FSHR: variants seen among roughly 807,000 people sequenced by gnomAD.
The protein encoded by FSHR is follicle-stimulating hormone receptor.
A neutral mutation model predicts 52.1 loss-of-function variants in FSHR; 46 were observed. The ratio of observed to expected loss-of-function variants is 0.88; its 90% confidence interval spans 0.70 to 1.13. The LOEUF is 1.13. FSHR is among the 50% of genes most tolerant of loss of function. The probability of loss-of-function intolerance (pLI) is 0.00; values close to 1 mark genes in which losing one functional copy is unlikely to be tolerated. For missense variants in FSHR, 964 were observed against 834.6 expected, an observed-to-expected ratio of 1.16 and a Z score of -1.91; for synonymous variants, 399 against 309.6, an observed-to-expected ratio of 1.29 and a Z score of -3.03.
At chr2:49,048,047 T>G (rs1668721259) in intron 2 of FSHR, among the ~76,000 whole-genome samples, 1 of 152,012 alleles carries the variant, frequency 6.6e-6, no homozygotes, top group African/African-American at 2.4e-5. Flanking sequence ...CCCAGCTATT[T>G]TATTTTTTCT....
At chr2:49,026,996 T>C (rs1033498426) in intron 2 of FSHR, among the ~76,000 whole-genome samples, 1 of 152,160 alleles carries the variant, frequency 6.6e-6, no homozygotes, top group Non-Finnish European at 1.5e-5. Flanking sequence ...TCACAGACAA[T>C]CAGTCTAGAG....
chr2:49,089,186 C>T (rs544007287), intron 1 of FSHR, among the ~76,000 whole-genome samples: 16 of 151,996 alleles, frequency 1.1e-4, no homozygotes, highest in South Asian at 4.2e-4. Context: ...ATTATATCTA[C>T]ACCTATTCCT....
intron 1 of FSHR, among the ~76,000 whole-genome samples, chr2:49,101,334 A>G (rs767677527): frequency 5.9e-5 from 9 of 152,108 alleles, no homozygotes; most frequent in Non-Finnish European, 1.0e-4. Flanking sequence ...AGAGTAGGGA[A>G]GTATAATAGG....
intron 1 of FSHR, among the ~76,000 whole-genome samples, chr2:49,108,679 G>A (rs934476644): frequency 6.6e-6 from 1 of 152,152 alleles, no homozygotes; most frequent in Non-Finnish European, 1.5e-5. Flanking sequence ...GTTTGTAAAG[G>A]GAGAATAAAG....
intron 9 of FSHR, among the ~76,000 whole-genome samples, chr2:48,965,232 A>G (rs1342461609): frequency 1.3e-5 from 2 of 152,158 alleles, no homozygotes; most frequent in Non-Finnish European, 2.9e-5. Context: ...CCAACCTATT[A>G]TACAGGGACT....
At chr2:49,126,117 G>A (rs569605919) in intron 1 of FSHR, among the ~76,000 whole-genome samples, 1 of 152,328 alleles carries the variant, frequency 6.6e-6, no homozygotes, top group South Asian at 2.1e-4. Context: ...AAGTTGGGAA[G>A]GTGTCTTAAT....
chr2:49,152,967 C>T (rs1382315088), intron 1 of FSHR, among the ~76,000 whole-genome samples: 3 of 152,230 alleles, frequency 2.0e-5, no homozygotes, highest in African/African-American at 4.8e-5. Context: ...GCACATTCTT[C>T]AGCATAATCA....
At chr2:49,047,636 C>T (rs1668710126) in intron 2 of FSHR, among the ~76,000 whole-genome samples, 8 of 152,210 alleles carry the variant, frequency 5.3e-5, no homozygotes, top group Admixed American at 5.2e-4. Context: ...GGGCATTACC[C>T]ACTTTATGAT....
chr2:49,115,299 C>T (rs1671559989), intron 1 of FSHR, among the ~76,000 whole-genome samples: 1 of 152,072 alleles, frequency 6.6e-6, no homozygotes, highest in South Asian at 2.1e-4. Context: ...AGATGTGAAA[C>T]ATGTCCTTGT....
chr2:49,033,285 A>G (rs1020491340), intron 2 of FSHR, among the ~76,000 whole-genome samples: 9 of 152,032 alleles, frequency 5.9e-5, no homozygotes, highest in South Asian at 2.1e-4. Flanking sequence ...GTTGAGTGTG[A>G]TTTTTTTTCA....
At chr2:49,053,266 G>T (rs574137513) in intron 2 of FSHR, among the ~76,000 whole-genome samples, 1 of 152,114 alleles carries the variant, frequency 6.6e-6, no homozygotes, top group Admixed American at 6.6e-5. Context: ...GGTCTCATTT[G>T]CATATTCATC....
chr2:49,003,326 A>C (rs1225004432), intron 4 of FSHR, among the ~76,000 whole-genome samples: 2 of 152,138 alleles, frequency 1.3e-5, no homozygotes, highest in African/African-American at 4.8e-5. Context: ...TTCTGTGGGG[A>C]CCTAGAGATA....
chr2:48,970,228 A>T (rs1372440715), intron 8 of FSHR, among the ~76,000 whole-genome samples: 4 of 152,136 alleles, frequency 2.6e-5, no homozygotes, highest in African/African-American at 9.7e-5. Context: ...GTCCAGTGAA[A>T]CCCATCCCTA....
intron 1 of FSHR, among the ~76,000 whole-genome samples, chr2:49,091,134 T>A (rs1319771838): frequency 1.3e-5 from 1 of 77,436 alleles, no homozygotes; most frequent in Non-Finnish European, 2.6e-5. Flanking sequence ...CAACTTACCA[T>A]TTTTTTTTTA....
rs572173125 is a variant in FSHR, at chr2:49,111,157, C to A, written c.153-42867G>T. ...ATTAAGCCATTAGGACATATGAGAG[C>A]CATGTTCTATATGTTGGAGAGAATG... On this transcript the variant is annotated intron_variant, in intron 1 of 9. Transcript: ENST00000406846. Among the ~76,000 whole-genome samples the A allele has an allele frequency of 2.0e-5, 3 of 152,240 alleles. No individual in the cohort carries two copies. In the East Asian group the frequency reaches 5.8e-4, roughly 29 times the overall value.
chr2:49,013,122 C>A (rs1030174352), intron 4 of FSHR, among the ~76,000 whole-genome samples: 2 of 148,398 alleles, frequency 1.3e-5, no homozygotes, highest in Non-Finnish European at 3.0e-5. Context: ...TCTCTATCTT[C>A]CCCCCCCACC....
chr2:48,973,725 C>A (rs1674850155), intron 8 of FSHR, among the ~76,000 whole-genome samples: 1 of 152,204 alleles, frequency 6.6e-6, no homozygotes, highest in South Asian at 2.1e-4. Flanking sequence ...TACCCAGAAA[C>A]TTATTGCTTT....
At chr2:49,001,549 A>G (rs1666885320) in intron 4 of FSHR, among the ~76,000 whole-genome samples, 2 of 152,144 alleles carry the variant, frequency 1.3e-5, no homozygotes. Flanking sequence ...TGTGGCAAGC[A>G]ATTACTTTTA....
At chr2:49,103,723 T>C (rs1404934401) in intron 1 of FSHR, among the ~76,000 whole-genome samples, 1 of 152,146 alleles carries the variant, frequency 6.6e-6, no homozygotes, top group African/African-American at 2.4e-5. Flanking sequence ...TATCTGATTC[T>C]CTTGGCCTTA....
Sources: allele counts gnomAD v4.1 joint callset (sites outside exome capture counted in the v4.1 genomes callset), GRCh38; gene constraint gnomAD v4.1.1; transcripts MANE v1.5; gene names NCBI Gene and HGNC (gene_info 2026-07-23, HGNC 2026-07-21).